SLIT2: variants seen among roughly 807,000 people sequenced by gnomAD.
The protein encoded by SLIT2 is slit homolog 2 protein.
In SLIT2, 41 loss-of-function variants were observed where a neutral mutation model predicts 185.7. The ratio of observed to expected loss-of-function variants is 0.22; its 90% CI spans 0.17 to 0.29. The LOEUF is 0.29. Among genes scored for constraint, SLIT2 ranks in the 10% least tolerant of loss-of-function variants. The pLI, the probability that SLIT2 is intolerant of heterozygous loss-of-function variation, is 1.00. For synonymous variants in SLIT2, 693 were observed against 680.2 expected (o/e 1.02, Z -0.29); for missense variants, 1,571 against 1,909.0 (o/e 0.82, Z 3.30).
chr4:20,547,910 T>C (rs1300088716), intron 22 of SLIT2, among the ~76,000 whole-genome samples: 1 of 152,088 alleles, frequency 6.6e-6, no homozygotes, highest in African/African-American at 2.4e-5. Context: ...GAGGACCTAC[T>C]GTGTGACCAT....
chr4:20,365,536 C>T lies in SLIT2; in HGVS notation c.395+96655C>T, dbSNP rs908803577. ...TACCCGATTGTTCTGTCCTTCCCCC[C>T]ACCCTCCCGTCACTTCTTTCTTTTT... On this transcript the variant is annotated intron_variant, in intron 4 of 36. Coordinates refer to ENST00000504154, the MANE Select transcript of SLIT2 (RefSeq NM_004787.4). 2.0e-5 allele frequency among the ~76,000 whole-genome samples: 3 copies of T among 152,240 alleles called. No homozygotes were observed. In the South Asian group the frequency reaches 6.2e-4, roughly 32 times the overall value.
chr4:20,414,563 T>G (rs950014372), intron 4 of SLIT2, among the ~76,000 whole-genome samples: 6 of 152,196 alleles, frequency 3.9e-5, no homozygotes, highest in Non-Finnish European at 8.8e-5. Context: ...TTTAAAAATT[T>G]TTTTGTTTTG....
chr4:20,278,685 T>C (rs898707075), intron 4 of SLIT2, among the ~76,000 whole-genome samples: 24 of 145,206 alleles, frequency 1.7e-4, no homozygotes, highest in African/African-American at 6.1e-4. Flanking sequence ...TATAAAAGAG[T>C]GAAAGACAAG....
chr4:20,590,621 A>G (rs2148950082), intron 30 of SLIT2, among the ~76,000 whole-genome samples: 1 of 152,334 alleles, frequency 6.6e-6, no homozygotes, highest in Middle Eastern at 3.4e-3. Flanking sequence ...GTACTCCCTT[A>G]AGTGAACACA....
At chr4:20,506,537 TTTA>T (rs1224428643) in intron 9 of SLIT2, among the ~76,000 whole-genome samples, 5 of 151,998 alleles carry the variant, frequency 3.3e-5, no homozygotes, top group African/African-American at 1.2e-4. Context: ...ACCTGAAAAC[TTTA>T]TTATTTCACT....
At chr4:20,532,145 A>G (rs1721869556) in intron 17 of SLIT2, 87 bp downstream of exon 17, 1 of 745,778 alleles carries the variant, frequency 1.3e-6, no homozygotes, top group African/African-American at 1.8e-5. Flanking sequence ...ATTAGAAAAT[A>G]CTAAAAATCC....
chr4:20,291,650 A>G (rs1715958808), intron 4 of SLIT2, among the ~76,000 whole-genome samples: 1 of 151,494 alleles, frequency 6.6e-6, no homozygotes, highest in Non-Finnish European at 1.5e-5. Flanking sequence ...AATGTATCGT[A>G]TATTGGTACA....
At chr4:20,587,573 C>T (rs963831967) in intron 29 of SLIT2, among the ~76,000 whole-genome samples, 1 of 152,202 alleles carries the variant, frequency 6.6e-6, no homozygotes, top group Admixed American at 6.5e-5. Context: ...TCCTTGTTCA[C>T]TCCTTTACAT....
chr4:20,269,056 T>G (rs1461797487), intron 4 of SLIT2, among the ~76,000 whole-genome samples, 175 bp downstream of exon 4: 2 of 151,918 alleles, frequency 1.3e-5, no homozygotes, highest in African/African-American at 2.4e-5. Flanking sequence ...TGGTTCCAGT[T>G]GTTTTATTTG....
At chr4:20,274,143 T>C (rs1188151410) in intron 4 of SLIT2, among the ~76,000 whole-genome samples, 2 of 152,226 alleles carry the variant, frequency 1.3e-5, no homozygotes, top group Admixed American at 6.5e-5. Context: ...TATATACTGA[T>C]ACTTTGCTAA....
At chr4:20,504,220 T>G (rs1275292144) in intron 9 of SLIT2, among the ~76,000 whole-genome samples, 1 of 152,188 alleles carries the variant, frequency 6.6e-6, no homozygotes, top group Non-Finnish European at 1.5e-5. Context: ...ATCTTACCTA[T>G]GAGGAGAATG....
In SLIT2 at chr4:20,590,814, C is replaced by A. The variant is rs527945592; in HGVS notation, c.3182+1077C>A. On this transcript the variant is annotated intron_variant, in intron 30 of 36. Coordinates refer to ENST00000504154, the MANE Select transcript of SLIT2 (RefSeq NM_004787.4). ...TAGTCTTCATTTAAACATGAGGAAACCATGGCCCGGAGAGGTTAGTTGACT... is the reference window on the plus strand; with the variant it reads ...TAGTCTTCATTTAAACATGAGGAAAACATGGCCCGGAGAGGTTAGTTGACT... 4.6e-5 allele frequency among the ~76,000 whole-genome samples: 7 copies of A among 152,276 alleles called. No homozygotes were observed. The South Asian group carries it at 1.4e-3, about 32-fold the overall frequency.
intron 4 of SLIT2, among the ~76,000 whole-genome samples, chr4:20,331,283 A>C (rs953051647): frequency 6.6e-6 from 1 of 152,180 alleles, no homozygotes; most frequent in Non-Finnish European, 1.5e-5. Flanking sequence ...AGAAATTTAC[A>C]TCAGAAAAAC....
intron 9 of SLIT2, among the ~76,000 whole-genome samples, chr4:20,508,050 T>C (rs1323734314): frequency 2.0e-5 from 3 of 152,054 alleles, no homozygotes; most frequent in Non-Finnish European, 4.4e-5. Flanking sequence ...ATGATTTACA[T>C]GTCCTTCACT....
chr4:20,258,858 AT>A (rs1712140398), intron 3 of SLIT2, among the ~76,000 whole-genome samples: 1 of 151,680 alleles, frequency 6.6e-6, no homozygotes, highest in East Asian at 1.9e-4. Context: ...AGTAAAAATA[AT>A]TTTTTTCAAA....
intron 22 of SLIT2, among the ~76,000 whole-genome samples, chr4:20,547,801 G>A (rs6847226): frequency 0.039 from 5,973 of 151,374 alleles, 201 homozygotes; most frequent in East Asian, 0.14. Flanking sequence ...TGTAAATTAC[G>A]ACCCATAGTA....
intron 4 of SLIT2, among the ~76,000 whole-genome samples, chr4:20,330,838 A>G (rs1720002795): frequency 6.6e-6 from 1 of 152,120 alleles, no homozygotes; most frequent in Admixed American, 6.6e-5. Flanking sequence ...CTTGCAGATC[A>G]TATACTTCAT....
chr4:20,502,864 A>G lies in SLIT2; in HGVS notation c.915-7631A>G, dbSNP rs1718866473. On this transcript the variant is annotated intron_variant, in intron 9 of 36. Transcript: ENST00000504154. ...TGGAATGGAGGGTGGTTTGAAAGAA[A>G]GGAGCCCACTGAGAATGCACTAGCA... is the stretch of plus-strand genomic sequence containing the variant. Among the ~76,000 whole-genome samples the G allele has an allele frequency of 2.0e-5, 3 of 152,156 alleles. No homozygotes were observed. The South Asian group carries it at 6.2e-4, about 32-fold the overall frequency.
In SLIT2 at chr4:20,617,542, A is replaced by C. The variant is rs772965598; in HGVS notation, c.4240A>C (p.Asn1414His). 6.2e-7 allele frequency: 1 copy of C among 1,613,970 alleles called. No individual in the cohort carries two copies. The highest frequency in any genetic ancestry group is 8.5e-7 in the Non-Finnish European group (1 of 1,179,972). Residue 1414 changes from asparagine (N) to histidine (H), a missense_variant, in exon 36 of 37, where the codon AAC becomes CAC. Physicochemically the swap from Asn to His is moderately conservative, Grantham distance 68. This residue lies in a region of SLIT2 where 223 missense variants were observed against 245.2 expected (regional missense o/e 0.91). Coordinates refer to ENST00000504154, the MANE Select transcript of SLIT2 (RefSeq NM_004787.4). Reference protein sequence around the residue: ...VLCDEEEDLFNPCQAIKCKHG... With the variant: ...VLCDEEEDLFHPCQAIKCKHG... ...CTGTGATGAAGAGGAGGATCTGTTTAACCCATGCCAGGCGATCAAGTGCAA... is the reference window on the plus strand; with the variant it reads ...CTGTGATGAAGAGGAGGATCTGTTTCACCCATGCCAGGCGATCAAGTGCAA...
Sources: gnomAD v4.1 joint callset for allele counts (sites outside exome capture counted in the v4.1 genomes callset) on GRCh38, gnomAD v4.1.1 for gene constraint, gnomAD v4.1.1 regional missense constraint, MANE v1.5 for transcripts, NCBI Gene and HGNC (gene_info 2026-07-23, HGNC 2026-07-21) for gene names.